SETD3: variants seen among roughly 807,000 people sequenced by gnomAD.
SETD3 encodes the protein actin-histidine N-methyltransferase.
SETD3 carries 19 observed loss-of-function variants against 63.0 expected under a neutral mutation model. That is an observed-to-expected ratio of 0.30 (90% CI 0.21 to 0.44). SETD3 has a LOEUF of 0.44. SETD3 is among the 20% of genes least tolerant of loss of function. The pLI, the probability that SETD3 is intolerant of heterozygous loss-of-function variation, is 1.00. For missense variants in SETD3, 587 were observed against 728.5 expected, an observed-to-expected ratio of 0.81 and a Z score of 2.24; for synonymous variants, 286 against 264.1, an observed-to-expected ratio of 1.08 and a Z score of -0.80.
Position 99,399,747 on chromosome 14 carries a change from T to A in SETD3, c.1338+352A>T, listed in dbSNP as rs1370265332. 2.7e-4 allele frequency among the ~76,000 whole-genome samples: 37 copies of A among 137,064 alleles called. 7 individuals are homozygous for A. The highest frequency in any genetic ancestry group is 7.6e-4 in the South Asian group (3 of 3,932). The allele number at this position is 137,064 out of a possible 152,430, so 89.9% of individuals were successfully genotyped here. ...ACAAGAAATCTTTCATTAAATTTTT[T>A]TTTTTTTTTTTTTTTTTTTTTGAGA... On this transcript the variant is annotated intron_variant, in intron 12 of 12. Coordinates refer to ENST00000331768, the MANE Select transcript of SETD3 (RefSeq NM_032233.3).
upstream of SETD3, chr14:99,481,699 C>G (rs899974897): frequency 2.6e-6 from 1 of 385,164 alleles, no homozygotes; most frequent in Non-Finnish European, 4.6e-6. Flanking sequence ...GGCAGGGAGG[C>G]CGGACTCACC....
intron 6 of SETD3, among the ~76,000 whole-genome samples, chr14:99,417,799 A>C (rs932314143): frequency 2.2e-4 from 33 of 152,238 alleles, no homozygotes; most frequent in Non-Finnish European, 4.9e-4. Context: ...TTTAACAATA[A>C]GCATTTTTAA....
intron 6 of SETD3, among the ~76,000 whole-genome samples, chr14:99,415,647 G>C (rs1383443510): frequency 6.6e-6 from 1 of 151,948 alleles, no homozygotes; most frequent in Non-Finnish European, 1.5e-5. Context: ...GCATTCTTCA[G>C]ATTTTGAAGA....
chr14:99,424,606 C>T (rs1407343235), intron 6 of SETD3, among the ~76,000 whole-genome samples: 2 of 152,270 alleles, frequency 1.3e-5, no homozygotes, highest in South Asian at 2.1e-4. Flanking sequence ...GGGCCAATGT[C>T]GCTGAGCTCC....
intron 1 of SETD3, among the ~76,000 whole-genome samples, chr14:99,480,246 G>A (rs972548969): frequency 1.3e-5 from 2 of 152,092 alleles, no homozygotes; most frequent in African/African-American, 4.8e-5. Flanking sequence ...CGGGGTGACG[G>A]GAGGAAGGAA....
At chr14:99,403,836 A>G (rs1178188749) in intron 11 of SETD3, among the ~76,000 whole-genome samples, 2 of 152,218 alleles carry the variant, frequency 1.3e-5, no homozygotes, top group African/African-American at 4.8e-5. Context: ...GCCACAGCTG[A>G]CTACACAACA....
Position 99,406,673 on chromosome 14 carries a change from C to A in SETD3, c.850-83G>T. On this transcript the variant is annotated intron_variant, in intron 8 of 12. Transcript: ENST00000331768. Reference sequence around the variant, plus strand: ...AATCTACAAGCTTGTTTCTGGCAATCAGAGGAAAAAGGGGATCCCAAGGTA... The same window carrying A: ...AATCTACAAGCTTGTTTCTGGCAATAAGAGGAAAAAGGGGATCCCAAGGTA... 6.4e-6 allele frequency: 9 copies of A among 1,404,044 alleles called. No individual in the cohort carries two copies. In the Admixed American group the frequency reaches 7.3e-5, roughly 11 times the overall value. The allele number at this position is 1,404,044 out of a possible 1,614,324, so 87.0% of individuals were successfully genotyped here.
chr14:99,425,651 T>C (rs543989723), intron 6 of SETD3, among the ~76,000 whole-genome samples: 6 of 152,334 alleles, frequency 3.9e-5, no homozygotes, highest in Admixed American at 2.0e-4. Flanking sequence ...TGCCTAGAAA[T>C]GGACCTCCAT....
In SETD3 at chr14:99,462,738, C is replaced by T. The variant is rs114693081; in HGVS notation, c.196+748G>A. Reference sequence around the variant, plus strand: ...AGTCTGAGACCATCTAAACTGAAGACTACATGTTTAGAGATGTGTATGGAA... The same window carrying T: ...AGTCTGAGACCATCTAAACTGAAGATTACATGTTTAGAGATGTGTATGGAA... On this transcript the variant is annotated intron_variant, in intron 3 of 12. Coordinates refer to ENST00000331768, the MANE Select transcript of SETD3 (RefSeq NM_032233.3). Among the ~76,000 whole-genome samples the T allele has an allele frequency of 5.5e-3, 836 of 152,260 alleles. 8 individuals are homozygous for T. The highest frequency in any genetic ancestry group is 0.019 in the African/African-American group (797 of 41,548).
intron 1 of SETD3, among the ~76,000 whole-genome samples, chr14:99,475,379 C>T (rs1209585948): frequency 2.0e-5 from 3 of 152,212 alleles, no homozygotes; most frequent in Admixed American, 2.0e-4. Context: ...GCGTGTTATT[C>T]CTGATTAACA....
chr14:99,453,257 A>G (rs1395275114), intron 6 of SETD3, among the ~76,000 whole-genome samples: 1 of 152,232 alleles, frequency 6.6e-6, no homozygotes, highest in Non-Finnish European at 1.5e-5. Context: ...TTATAAAACA[A>G]CAGCAATGCA....
intron 1 of SETD3, among the ~76,000 whole-genome samples, chr14:99,473,576 C>A (rs184012577): frequency 6.6e-6 from 1 of 152,210 alleles, no homozygotes; most frequent in East Asian, 1.9e-4. Context: ...CTGCATTGAC[C>A]CAACTTCACA....
intron 6 of SETD3, among the ~76,000 whole-genome samples, chr14:99,451,040 A>G (rs751139971): frequency 3.8e-4 from 58 of 152,218 alleles, no homozygotes; most frequent in Non-Finnish European, 2.5e-4. Context: ...TCATTGGCAT[A>G]GATGAAAAAC....
intron 6 of SETD3, among the ~76,000 whole-genome samples, chr14:99,420,564 C>T (rs1304315655): frequency 6.6e-6 from 1 of 152,122 alleles, no homozygotes; most frequent in Non-Finnish European, 1.5e-5. Flanking sequence ...CCCATGTGGG[C>T]ACCCCTGCCA....
At chr14:99,478,487 A>C (rs1338712787) in intron 1 of SETD3, among the ~76,000 whole-genome samples, 1 of 152,182 alleles carries the variant, frequency 6.6e-6, no homozygotes, top group African/African-American at 2.4e-5. Flanking sequence ...ACAGTTCTAA[A>C]CCCTACTTCG....
rs890829204 is a variant in SETD3, at chr14:99,480,842, G to A, written c.-123C>T. 1.7e-4 allele frequency: 27 copies of A among 159,700 alleles called. No individual in the cohort carries two copies. Among genetic ancestry groups the A allele is most frequent in the Non-Finnish European group, 3.3e-4 (25 of 74,698 alleles). 9.9% of individuals were successfully genotyped at this position (159,700 alleles called of 1,614,324 possible). A position where few individuals can be genotyped will look rare whatever the true frequency, so the allele number is the denominator to read the frequency against. On this transcript the variant is annotated 5_prime_UTR_variant, in exon 1 of 13. Coordinates refer to ENST00000331768, the MANE Select transcript of SETD3 (RefSeq NM_032233.3). ...TGGCGGCGGCGGCGGCCGGACGGGA[G>A]GGGCGGGACGGCAGCCTGAGACGGC...
At chr14:99,476,128 G>C (rs1346154655) in intron 1 of SETD3, among the ~76,000 whole-genome samples, 2 of 152,180 alleles carry the variant, frequency 1.3e-5, no homozygotes, top group African/African-American at 4.8e-5. Flanking sequence ...GTATTAACAA[G>C]TCCCCTTCAC....
At chr14:99,459,037 C>A in intron 5 of SETD3, 76 bp downstream of exon 5, 1 of 1,085,046 alleles carries the variant, frequency 9.2e-7, no homozygotes, top group Non-Finnish European at 1.4e-6. Context: ...AAGTATTATC[C>A]TTAGTGCCAT....
chr14:99,410,388 C>T, intron 8 of SETD3: 1 of 855,514 alleles, frequency 1.2e-6, no homozygotes, highest in Middle Eastern at 2.9e-4. Flanking sequence ...AACAGAAGGA[C>T]CCTGAAAAAG....
Sources: gnomAD v4.1 joint callset for allele counts (sites outside exome capture counted in the v4.1 genomes callset) on GRCh38, gnomAD v4.1.1 for gene constraint, MANE v1.5 for transcripts, NCBI Gene and HGNC (gene_info 2026-07-23, HGNC 2026-07-21) for gene names.